Variants in OSBPL9 observed in about 807,000 individuals in gnomAD.
OSBPL9 encodes oxysterol binding protein like 9, also known as oxysterol-binding protein-related protein 9.
A neutral mutation model predicts 106.6 loss-of-function variants in OSBPL9; 40 were observed. The ratio of observed to expected loss-of-function variants is 0.38; its 90% CI spans 0.29 to 0.49. OSBPL9 has a LOEUF of 0.49. Among genes scored for constraint, OSBPL9 ranks in the 20% least tolerant of loss-of-function variants. OSBPL9 has a pLI of 0.97. For synonymous variants in OSBPL9, 269 were observed against 295.4 expected, an observed-to-expected ratio of 0.91 and a Z score of 0.92; for missense variants, 609 against 887.2, an observed-to-expected ratio of 0.69 and a Z score of 3.98.
At position 51,748,409 on chromosome 1, in the gene OSBPL9, T is replaced by C. The variant is rs764894903; in HGVS notation, c.492+11T>C. On this transcript the variant is annotated intron_variant, in intron 7 of 23. Transcript: ENST00000428468. Reference sequence around the variant, plus strand: ...AAAGAGACAACAAATGTAAGTTATATGTTTGATACATTCTGACTTTGCATT... The same window carrying C: ...AAAGAGACAACAAATGTAAGTTATACGTTTGATACATTCTGACTTTGCATT... 3 of 1,490,316 alleles carry C rather than the reference T, an allele frequency of 2.0e-6. No homozygotes were observed. The South Asian group carries it at 4.3e-5, about 21-fold the overall frequency. The allele number at this position is 1,490,316 out of a possible 1,614,324, so 92.3% of individuals were successfully genotyped here.
chr1:51,519,231 T>G, the OSBPL9 span: 2 of 1,272,886 alleles, frequency 1.6e-6, no homozygotes, highest in Non-Finnish European at 1.0e-6. Context: ...GCCGCAGCCA[T>G]GGTGTTTCCA....
chr1:51,776,025 A>G (rs1338549135), intron 14 of OSBPL9, among the ~76,000 whole-genome samples: 1 of 152,156 alleles, frequency 6.6e-6, no homozygotes, highest in African/African-American at 2.4e-5. Flanking sequence ...ATAATTGATA[A>G]TCTGATACTC....
chr1:51,705,400 T>TATATATATATATATA (rs1465007339), intron 3 of OSBPL9, among the ~76,000 whole-genome samples: 10 of 34,742 alleles, frequency 2.9e-4, no homozygotes, highest in African/African-American at 1.1e-3. Flanking sequence ...TATATATATA[T>TATATATATATATATA]TTTTTTTTTT....
At chr1:51,659,096 T>G (rs1276707915) in intron 2 of OSBPL9, among the ~76,000 whole-genome samples, 1 of 152,082 alleles carries the variant, frequency 6.6e-6, no homozygotes, top group Non-Finnish European at 1.5e-5. Context: ...AAAAAGAAAG[T>G]GATGGAAGAA....
the OSBPL9 span, among the ~76,000 whole-genome samples, chr1:51,543,314 T>C: frequency 2.0e-5 from 3 of 152,242 alleles, no homozygotes; most frequent in African/African-American, 7.2e-5. Context: ...TTGCATATAA[T>C]CTTCTTAATC....
At chr1:51,564,591 T>C in the OSBPL9 span, among the ~76,000 whole-genome samples, 2 of 152,236 alleles carry the variant, frequency 1.3e-5, no homozygotes, top group Non-Finnish European at 2.9e-5. Context: ...CAGTTTGCTT[T>C]GGTTGTGACC....
chr1:51,734,751 T>C (rs1013288851), intron 4 of OSBPL9, among the ~76,000 whole-genome samples: 1 of 152,208 alleles, frequency 6.6e-6, no homozygotes, highest in Non-Finnish European at 1.5e-5. Flanking sequence ...GGCCAGAGCC[T>C]AGATGACTCT....
In OSBPL9 at chr1:51,787,999, C is replaced by A; in HGVS notation, c.*210C>A. 1.9e-6 allele frequency: 1 copy of A among 523,094 alleles called. No homozygotes were observed. Among genetic ancestry groups the A allele is most frequent in the East Asian group, 3.1e-5 (1 of 31,812 alleles). 32.4% of individuals were successfully genotyped at this position (523,094 alleles called of 1,614,324 possible). On this transcript the variant is annotated 3_prime_UTR_variant, in exon 24 of 24. Coordinates refer to ENST00000428468, the MANE Select transcript of OSBPL9 (RefSeq NM_024586.6). ...TGGCAGTTACGATTTTGACTTCAGT[C>A]CTGAGAAAAACTTCAGGTTTTGAAA...
At chr1:51,705,086 TTTTTC>T (rs1658141232) in intron 3 of OSBPL9, among the ~76,000 whole-genome samples, 2 of 152,106 alleles carry the variant, frequency 1.3e-5, no homozygotes, top group South Asian at 4.1e-4. Context: ...TGATATTCCT[TTTTTC>T]TTATAGTAAA....
At position 51,788,954 on chromosome 1, in the gene OSBPL9, A is replaced by G. The variant is rs1678380595; in HGVS notation, c.*1165A>G. Among the ~76,000 whole-genome samples the G allele has an allele frequency of 6.6e-6, 1 of 152,138 alleles. No individual in the cohort carries two copies. ...ACTGGTTACGTAAGGCCTTTCAAGA[A>G]GTAGATTCTCAGTCTGAGAGGACAC... On this transcript the variant is annotated 3_prime_UTR_variant, in exon 24 of 24. Transcript: ENST00000428468.
chr1:51,652,067 A>G, intron 2 of OSBPL9, 26 bp downstream of exon 2: 1 of 1,554,510 alleles, frequency 6.4e-7, no homozygotes, highest in Non-Finnish European at 8.8e-7. Context: ...TTTTTATGAA[A>G]ATCAATTTTG....
intron 2 of OSBPL9, among the ~76,000 whole-genome samples, chr1:51,604,499 T>G (rs1643920994): frequency 6.6e-6 from 1 of 150,786 alleles, no homozygotes; most frequent in African/African-American, 2.4e-5. Context: ...GAGGTTGCAG[T>G]AAGCCAAGAT....
intron 2 of OSBPL9, among the ~76,000 whole-genome samples, chr1:51,606,019 AAAAG>A (rs1643946287): frequency 6.6e-6 from 1 of 152,108 alleles, no homozygotes; most frequent in African/African-American, 2.4e-5. Flanking sequence ...AAGAAAAAAG[AAAAG>A]GAAGGAAAGA....
At chr1:51,711,554 G>T in intron 3 of OSBPL9, among the ~76,000 whole-genome samples, 1 of 132,860 alleles carries the variant, frequency 7.5e-6, no homozygotes, top group African/African-American at 3.1e-5. Context: ...CTGCCGGGCG[G>T]AGATGCTCCT....
intron 1 of OSBPL9, among the ~76,000 whole-genome samples, chr1:51,641,346 C>T (rs545830959): frequency 1.3e-5 from 2 of 152,244 alleles, no homozygotes; most frequent in East Asian, 1.9e-4. Flanking sequence ...TTCCCAAAGG[C>T]GCACCTCCTA....
the OSBPL9 span, among the ~76,000 whole-genome samples, chr1:51,524,095 T>G: frequency 6.6e-6 from 1 of 152,234 alleles, no homozygotes; most frequent in African/African-American, 2.4e-5. Flanking sequence ...GCTGCTGGTT[T>G]CATAAATATA....
intron 4 of OSBPL9, among the ~76,000 whole-genome samples, chr1:51,734,894 C>T (rs2148958445): frequency 6.6e-6 from 1 of 152,302 alleles, no homozygotes; most frequent in East Asian, 1.9e-4. Flanking sequence ...TGAGATTCAG[C>T]ATCCAGATCC....
At chr1:51,572,335 C>G (rs1645155565), upstream of OSBPL9, among the ~76,000 whole-genome samples, 1 of 152,048 alleles carries the variant, frequency 6.6e-6, no homozygotes, top group Non-Finnish European at 1.5e-5. Context: ...TTATTTGGCT[C>G]TTAACAAAAG....
intron 3 of OSBPL9, among the ~76,000 whole-genome samples, chr1:51,685,055 C>T (rs1653469263): frequency 6.6e-6 from 1 of 152,010 alleles, no homozygotes; most frequent in South Asian, 2.1e-4. Context: ...CTAGGCAGTC[C>T]TTCGCTTCTA....
Sources: allele counts gnomAD v4.1 joint callset (sites outside exome capture counted in the v4.1 genomes callset), GRCh38; gene constraint gnomAD v4.1.1; transcripts MANE v1.5; gene names NCBI Gene and HGNC (gene_info 2026-07-23, HGNC 2026-07-21).